Variants in NRXN2 observed in about 807,000 individuals in gnomAD.
NRXN2 encodes the protein neurexin-2-beta.
Under a neutral mutation model 128.8 loss-of-function variants are expected in NRXN2, and 29 were observed. The observed-to-expected ratio is 0.23, with a 90% CI of 0.17 to 0.31. The LOEUF (loss-of-function observed/expected upper bound fraction) is 0.31. Among genes scored for constraint, NRXN2 ranks in the 10% least tolerant of loss-of-function variants. The pLI is 1.00. For synonymous variants in NRXN2, 1,098 were observed against 1,075.2 expected (o/e 1.02, Z -0.41); for missense variants, 1,881 against 2,452.6 (o/e 0.77, Z 4.92).
At chr11:64,653,825 G>C in intron 11 of NRXN2, 103 bp from the exon 12 acceptor site, 1 of 899,386 alleles carries the variant, frequency 1.1e-6, no homozygotes, top group Non-Finnish European at 1.7e-6. Flanking sequence ...CTGCGGGCGG[G>C]GTTCCCCCCA....
intron 1 of NRXN2, among the ~76,000 whole-genome samples, chr11:64,720,565 G>C (rs903372782): frequency 2.6e-5 from 4 of 152,202 alleles, no homozygotes; most frequent in African/African-American, 7.2e-5. Context: ...GTGGCCAGGA[G>C]GGGTAGGAGG....
In NRXN2 at chr11:64,648,817, G is replaced by A; in HGVS notation, c.3200C>T (p.Ala1067Val). The A allele has an allele frequency of 6.2e-7, 1 of 1,614,166 alleles. No homozygotes were observed. The highest frequency in any genetic ancestry group is 8.5e-7 in the Non-Finnish European group (1 of 1,180,014). ...GAGACGTCCGTTGAGGTCCACTGAG[G>A]CCAGGCAGCCCTGAAAGCCATCCCG... Reference protein sequence around the residue: ...ASRDGFQGCLASVDLNGRLPD... With the variant: ...ASRDGFQGCLVSVDLNGRLPD... The change falls in exon 16 of 23, where the codon GCC becomes GTC. Residue 1067 changes from alanine to valine, a missense_variant. By Grantham distance (64) the Ala-to-Val change is moderately conservative (BLOSUM62 0). This residue lies in a region of NRXN2 where 390 missense variants were observed against 599.6 expected (regional missense o/e 0.65). Coordinates refer to ENST00000265459, the MANE Select transcript of NRXN2 (RefSeq NM_015080.4). This position sits in a 1 kb window ranked among gnomAD's most constrained non-coding sequence, Gnocchi z 4.1.
chr11:64,693,929 T>C (rs1481844931), intron 3 of NRXN2, among the ~76,000 whole-genome samples: 1 of 152,016 alleles, frequency 6.6e-6, no homozygotes, highest in Non-Finnish European at 1.5e-5. Context: ...AAATAGAAAA[T>C]GGACTGATAG....
At chr11:64,690,664 G>A (rs539995116) in intron 4 of NRXN2, among the ~76,000 whole-genome samples, 188 bp from the exon 5 acceptor site, 2 of 152,180 alleles carry the variant, frequency 1.3e-5, no homozygotes, top group African/African-American at 2.4e-5. Flanking sequence ...AACCGAGGGC[G>A]ATCAGCCCCA....
intron 11 of NRXN2, chr11:64,656,151 C>CT (rs2048249515): frequency 6.6e-6 from 1 of 152,348 alleles, no homozygotes; most frequent in African/African-American, 2.4e-5. Flanking sequence ...TCCCAGGCAT[C>CT]TGTCTCAGAA....
At chr11:64,636,399 G>T (rs1182498879) in intron 17 of NRXN2, among the ~76,000 whole-genome samples, 1 of 150,610 alleles carries the variant, frequency 6.6e-6, no homozygotes, top group Non-Finnish European at 1.5e-5. Context: ...CTCTCTGGGG[G>T]TGGGGGTGGG....
At chr11:64,716,166 A>C (rs1592320910) in intron 1 of NRXN2, among the ~76,000 whole-genome samples, 3 of 150,888 alleles carry the variant, frequency 2.0e-5, no homozygotes, top group Non-Finnish European at 3.0e-5. Flanking sequence ...ATCCACCCCC[A>C]CCTCCGGACA....
At chr11:64,640,966 T>C (rs2135411157) in intron 17 of NRXN2, among the ~76,000 whole-genome samples, 1 of 148,984 alleles carries the variant, frequency 6.7e-6, no homozygotes, top group East Asian at 2.0e-4. Flanking sequence ...AAAAATGGAG[T>C]AAAGAATAAG....
intron 22 of NRXN2, among the ~76,000 whole-genome samples, chr11:64,614,600 G>C (rs967585083): frequency 1.3e-5 from 2 of 152,206 alleles, no homozygotes; most frequent in Non-Finnish European, 2.9e-5. Context: ...GTTTAATGAA[G>C]AAATTTCCCC....
At chr11:64,670,307 C>T (rs1309163860) in intron 7 of NRXN2, among the ~76,000 whole-genome samples, 1 of 152,128 alleles carries the variant, frequency 6.6e-6, no homozygotes, top group Non-Finnish European at 1.5e-5. Context: ...TTTATTTCTT[C>T]TTCCCTCCAC....
At chr11:64,643,363 G>A (rs1309922391) in intron 17 of NRXN2, 5 of 583,328 alleles carry the variant, frequency 8.6e-6, no homozygotes, top group Non-Finnish European at 1.1e-5. Flanking sequence ...GGCCGGGGGA[G>A]GGGGGGGCGG....
In NRXN2 at chr11:64,660,669, C is replaced by T. The variant is rs1471740194; in HGVS notation, c.2185+84G>A. ...GGGGTTCCCCTAGGAGGAGGTGGCA[C>T]AGGGATGGAAAGTAGGAGTCACCCT... On this transcript the variant is annotated intron_variant, in intron 10 of 22. Transcript: ENST00000265459. This position sits in a 1 kb window ranked among gnomAD's most constrained non-coding sequence, Gnocchi z 5.2. The T allele has an allele frequency of 1.3e-6, 2 of 1,598,948 alleles. No homozygotes were observed. The highest frequency in any genetic ancestry group is 1.7e-6 in the Non-Finnish European group (2 of 1,176,516).
intron 1 of NRXN2, among the ~76,000 whole-genome samples, chr11:64,719,016 GTATAAA>G (rs1485697579): frequency 1.3e-5 from 2 of 152,076 alleles, no homozygotes; most frequent in African/African-American, 2.4e-5. Context: ...CTTTCTTTAT[GTATAAA>G]ATAGAGATAA....
chr11:64,706,827 A>G (rs1158135100), intron 2 of NRXN2, among the ~76,000 whole-genome samples: 1 of 152,112 alleles, frequency 6.6e-6, no homozygotes, highest in Non-Finnish European at 1.5e-5. Context: ...TGATCCCCTC[A>G]ACTTGGAAAC....
chr11:64,625,680 T>C (rs1001172557), intron 20 of NRXN2, among the ~76,000 whole-genome samples: 11 of 152,152 alleles, frequency 7.2e-5, no homozygotes, highest in African/African-American at 2.7e-4. Flanking sequence ...GGGATGGATA[T>C]GTCCTTAGTC....
chr11:64,680,278 G>A (rs1381164202), intron 6 of NRXN2, among the ~76,000 whole-genome samples: 1 of 151,938 alleles, frequency 6.6e-6, no homozygotes, highest in Non-Finnish European at 1.5e-5. Flanking sequence ...TAAAAATCTG[G>A]GGTGAAGACA....
rs901604589 is a variant in NRXN2, at chr11:64,651,884, A to G, written c.2536+151T>C. 1.2e-5 allele frequency: 16 copies of G among 1,283,990 alleles called. No homozygotes were observed. The East Asian group carries it at 1.4e-4, about 11-fold the overall frequency. The allele number at this position is 1,283,990 out of a possible 1,614,324, so 79.5% of individuals were successfully genotyped here. A position where few individuals can be genotyped will look rare whatever the true frequency, so the allele number is the denominator to read the frequency against. ...AATCGTTCCTGGGGTCCAGATGCCC[A>G]TAACATTCCACCCCTGAAGGAGAAA... On this transcript the variant is annotated intron_variant, in intron 13 of 22. Coordinates refer to ENST00000265459, the MANE Select transcript of NRXN2 (RefSeq NM_015080.4). The surrounding 1 kb of genome is among the most constrained non-coding windows in gnomAD (Gnocchi z 5.9).
At position 64,704,271 on chromosome 11, in the gene NRXN2, C is replaced by T. The variant is rs2055898035; in HGVS notation, c.731-6479G>A. 1.3e-5 allele frequency among the ~76,000 whole-genome samples: 2 copies of T among 152,024 alleles called. 1 individual carries two copies. Among genetic ancestry groups the T allele is most frequent in the South Asian group, 4.1e-4 (2 of 4,820 alleles). ...CTTGCCTAACATGTCAGGATTCCAG[C>T]AGATTGATGATCAAGGACAGTGATG... On this transcript the variant is annotated intron_variant, in intron 2 of 22. Transcript: ENST00000265459.
chr11:64,712,706 A>T, intron 2 of NRXN2: 2 of 637,166 alleles, frequency 3.1e-6, no homozygotes, highest in Non-Finnish European at 6.0e-6. Context: ...TCAGAACCTG[A>T]CCACACAGGC....
Sources: gnomAD v4.1 joint callset for allele counts (sites outside exome capture counted in the v4.1 genomes callset) on GRCh38, gnomAD v4.1.1 for gene constraint, gnomAD v4.1.1 regional missense constraint, Gnocchi (gnomAD v3.1) non-coding constraint, MANE v1.5 for transcripts, NCBI Gene and HGNC (gene_info 2026-07-23, HGNC 2026-07-21) for gene names.